Variants in OPRM1 observed in about 807,000 individuals in gnomAD.
OPRM1 encodes the protein mu-type opioid receptor.
In OPRM1, 27 loss-of-function variants were observed where a neutral mutation model predicts 31.8. That is an observed-to-expected ratio of 0.85 (90% CI 0.63 to 1.17). The LOEUF is 1.17. Ranked by LOEUF, OPRM1 falls within the 50% of genes most tolerant of loss-of-function variation. OPRM1 has a pLI of 0.00. For synonymous variants in OPRM1, 196 were observed against 189.9 expected (o/e 1.03, Z -0.26); for missense variants, 536 against 511.1 (o/e 1.05, Z -0.47).
At position 154,039,268 on chromosome 6, in the gene OPRM1, C is replaced by A. The variant is rs1450708348; in HGVS notation, c.-277C>A. On this transcript the variant is annotated 5_prime_UTR_variant, in exon 1 of 4. Transcript: ENST00000330432. ...CCTCCCTTCCAGCCTCCGAATCCCG[C>A]ATGGCCCACGCTCCCCTCCTGCAGC... is the stretch of plus-strand genomic sequence containing the variant. 6.4e-7 allele frequency: 1 copy of A among 1,551,708 alleles called. No individual in the cohort carries two copies. Among genetic ancestry groups the A allele is most frequent in the Non-Finnish European group, 8.7e-7 (1 of 1,146,976 alleles).
chr6:154,112,559 C>T (rs1055153455), intron 3 of OPRM1, among the ~76,000 whole-genome samples: 3 of 152,146 alleles, frequency 2.0e-5, no homozygotes, highest in African/African-American at 7.2e-5. Flanking sequence ...GCCAGAGTCT[C>T]AAAATGCCGT....
At chr6:154,233,930 C>T (rs942150323) in intron 3 of OPRM1, among the ~76,000 whole-genome samples, 8 of 152,210 alleles carry the variant, frequency 5.3e-5, no homozygotes, top group Admixed American at 1.3e-4. Flanking sequence ...CCAGCTAGGC[C>T]GGACGCCGTG....
At chr6:154,118,089 C>G (rs1743549565) in intron 3 of OPRM1, among the ~76,000 whole-genome samples, 1 of 152,034 alleles carries the variant, frequency 6.6e-6, no homozygotes, top group Admixed American at 6.6e-5. Context: ...TTCCACAGTC[C>G]TCTTTTCTTA....
chr6:154,218,511 C>T (rs1260224841), intron 3 of OPRM1, among the ~76,000 whole-genome samples: 2 of 152,256 alleles, frequency 1.3e-5, no homozygotes, highest in East Asian at 1.9e-4. Context: ...TCACTGCAAA[C>T]GCTACCCACT....
intron 3 of OPRM1, among the ~76,000 whole-genome samples, chr6:154,232,937 G>C (rs1276818694): frequency 1.3e-5 from 2 of 150,336 alleles, no homozygotes; most frequent in African/African-American, 4.9e-5. Flanking sequence ...GAATGACCCA[G>C]AAATTAATGT....
intron 3 of OPRM1, among the ~76,000 whole-genome samples, chr6:154,197,779 G>A (rs1217696955): frequency 1.3e-5 from 2 of 152,188 alleles, no homozygotes; most frequent in African/African-American, 2.4e-5. Flanking sequence ...GAATGCAAAT[G>A]GGATTTTATT....
chr6:154,016,648 G>T (rs943327168), intron 1 of OPRM1, among the ~76,000 whole-genome samples: 19 of 152,150 alleles, frequency 1.2e-4, no homozygotes, highest in African/African-American at 4.6e-4. Flanking sequence ...AAGTGAATTT[G>T]AAGAACTTAT....
rs577025219 is a variant in OPRM1, at chr6:154,029,886, G to A, written c.1-9275G>A. Among the ~76,000 whole-genome samples the A allele has an allele frequency of 5.3e-5, 8 of 152,218 alleles. No homozygotes were observed. In the South Asian group the frequency reaches 8.3e-4, roughly 16 times the overall value. Reference sequence around the variant, plus strand: ...TGAAGAAGGACATGTTTGCTTCCCCGTCTGCCATGATTTTAAGCTTTTTGA... The same window carrying A: ...TGAAGAAGGACATGTTTGCTTCCCCATCTGCCATGATTTTAAGCTTTTTGA... On this transcript the variant is annotated intron_variant, in intron 1 of 5. Coordinates refer to the OPRM1 transcript ENST00000434900.
intron 1 of OPRM1, among the ~76,000 whole-genome samples, chr6:154,083,901 GC>G (rs544524804): frequency 7.7e-6 from 1 of 129,252 alleles, no homozygotes; most frequent in South Asian, 2.6e-4. Flanking sequence ...CCGAGATCGC[GC>G]CACTGCACTC....
chr6:154,170,616 T>C (rs750034064), intron 3 of OPRM1, among the ~76,000 whole-genome samples: 7 of 152,180 alleles, frequency 4.6e-5, no homozygotes, highest in Non-Finnish European at 1.0e-4. Context: ...AAACTACATC[T>C]GAAGACAATT....
upstream of OPRM1, among the ~76,000 whole-genome samples, chr6:154,037,358 T>TAA (rs772557966): frequency 1.2e-3 from 153 of 124,334 alleles, 1 homozygote; most frequent in African/African-American, 4.1e-3. Flanking sequence ...AAAATAAAAC[T>TAA]AAAAAAAAAA....
intron 3 of OPRM1, among the ~76,000 whole-genome samples, chr6:154,180,414 A>ATATATATATATATTT (rs1241250621): frequency 1.5e-5 from 1 of 65,268 alleles, no homozygotes; most frequent in African/African-American, 4.8e-5. Flanking sequence ...ATATATATAT[A>ATATATATATATATTT]TTTTTTTTTT....
intron 1 of OPRM1, among the ~76,000 whole-genome samples, chr6:154,081,076 C>G (rs1396897941): frequency 6.6e-6 from 1 of 152,114 alleles, no homozygotes; most frequent in Non-Finnish European, 1.5e-5. Flanking sequence ...GAAGTATTGT[C>G]TCTGAGAAAC....
At chr6:154,153,849 C>CA (rs781394182) in intron 3 of OPRM1, among the ~76,000 whole-genome samples, 42 of 152,214 alleles carry the variant, frequency 2.8e-4, no homozygotes, top group Non-Finnish European at 4.9e-4. Flanking sequence ...AGAGCCTCCA[C>CA]AAGGAGTGCA....
At chr6:154,194,267 C>T (rs994593077) in intron 3 of OPRM1, among the ~76,000 whole-genome samples, 8 of 152,080 alleles carry the variant, frequency 5.3e-5, no homozygotes, top group South Asian at 4.1e-4. Flanking sequence ...GGCGTGGTGG[C>T]GCATGCCTGT....
Position 154,129,481 on chromosome 6 carries a change from G to A in OPRM1, c.*10760G>A, listed in dbSNP as rs1230401380. Among the ~76,000 whole-genome samples, 2 of 151,996 alleles carry A rather than the reference G, an allele frequency of 1.3e-5. No individual in the cohort carries two copies. Among genetic ancestry groups the A allele is most frequent in the African/African-American group, 2.4e-5 (1 of 41,352 alleles). On this transcript the variant is annotated 3_prime_UTR_variant, in exon 4 of 4. Transcript: ENST00000330432. ...GAAACAATATAAAACAATGTGAGAGGGTCTTTCTCTCCTCTCAATGTCAAC... is the reference window on the plus strand; with the variant it reads ...GAAACAATATAAAACAATGTGAGAGAGTCTTTCTCTCCTCTCAATGTCAAC...
At chr6:154,097,736 GA>G (rs535732910) in intron 3 of OPRM1, among the ~76,000 whole-genome samples, 4 of 152,250 alleles carry the variant, frequency 2.6e-5, no homozygotes, top group African/African-American at 9.6e-5. Context: ...ATATGTGAGA[GA>G]AAATGTTGTT....
chr6:154,057,253 A>G (rs1404405319), intron 1 of OPRM1, among the ~76,000 whole-genome samples: 4 of 152,238 alleles, frequency 2.6e-5, no homozygotes, highest in South Asian at 2.1e-4. Flanking sequence ...GTTGAGCACT[A>G]TGTACAAAGC....
chr6:154,019,747 C>CTTTTCTTTTTTTTTTTTTTTTTTTTTT (rs61209522), intron 1 of OPRM1, among the ~76,000 whole-genome samples: 2 of 122,016 alleles, frequency 1.6e-5, no homozygotes, highest in African/African-American at 6.8e-5. Flanking sequence ...CTTTTCTTTT[C>CTTTTCTTTTTTTTTTTTTTTTTTTTTT]TTTTTTTTTT....
Sources: allele counts gnomAD v4.1 joint callset (sites outside exome capture counted in the v4.1 genomes callset), GRCh38; gene constraint gnomAD v4.1.1; transcripts MANE v1.5; gene names NCBI Gene and HGNC (gene_info 2026-07-23, HGNC 2026-07-21).